The following DOCK1 variants were observed in gnomAD, a reference collection of about 807,000 sequenced individuals.
DOCK1 encodes dedicator of cytokinesis protein 1.
In DOCK1, 138 loss-of-function variants were observed where a neutral mutation model predicts 262.7. That is an observed-to-expected ratio of 0.53 (90% confidence interval 0.46 to 0.61). DOCK1 has a LOEUF of 0.61. Among genes scored for constraint, DOCK1 ranks in the 20% least tolerant of loss-of-function variants. DOCK1 has a pLI of 0.00. For missense variants in DOCK1, 1,908 were observed against 2,370.7 expected (o/e 0.80, Z 4.05); for synonymous variants, 866 against 867.4 (o/e 1.00, Z 0.03).
chr10:126,944,280 CAG>C (rs2134278657), intron 1 of DOCK1, among the ~76,000 whole-genome samples: 1 of 152,048 alleles, frequency 6.6e-6, no homozygotes, highest in East Asian at 1.9e-4. Flanking sequence ...AGGATGAACT[CAG>C]GGTACAGTTC....
At chr10:126,943,903 C>A (rs904961865) in intron 1 of DOCK1, among the ~76,000 whole-genome samples, 1 of 152,090 alleles carries the variant, frequency 6.6e-6, no homozygotes, top group Non-Finnish European at 1.5e-5. Context: ...CAAGCAGGGT[C>A]GTCCCAAGCT....
intron 19 of DOCK1, among the ~76,000 whole-genome samples, chr10:127,039,350 A>T (rs1193176047): frequency 6.6e-6 from 1 of 152,182 alleles, no homozygotes; most frequent in Non-Finnish European, 1.5e-5. Flanking sequence ...TTTCATTTTG[A>T]AGTCCCTGTA....
At chr10:127,386,808 A>G (rs1369268506) in intron 38 of DOCK1, among the ~76,000 whole-genome samples, 3 of 152,220 alleles carry the variant, frequency 2.0e-5, no homozygotes, top group Non-Finnish European at 4.4e-5. Flanking sequence ...CCCTGAAACC[A>G]GTCCCTGGTG....
At position 127,200,910 on chromosome 10, in the gene DOCK1, C is replaced by T. The variant is rs1338123219; in HGVS notation, c.2848-47098C>T. Among the ~76,000 whole-genome samples, 3 of 152,124 alleles carry T rather than the reference C, an allele frequency of 2.0e-5. No homozygotes were observed. In the East Asian group the frequency reaches 5.8e-4, roughly 29 times the overall value. On this transcript the variant is annotated intron_variant, in intron 27 of 51. Coordinates refer to ENST00000623213, the MANE Select transcript of DOCK1 (RefSeq NM_001290223.2). ...CTCTAGTCCTCACTCAAAATGGAGTCGCTGTGGTTCGGATGCCTCTGACAT... is the reference window on the plus strand; with the variant it reads ...CTCTAGTCCTCACTCAAAATGGAGTTGCTGTGGTTCGGATGCCTCTGACAT...
chr10:127,387,931 G>A (rs11017780), intron 38 of DOCK1, among the ~76,000 whole-genome samples: 44,471 of 151,424 alleles, frequency 0.29, 7,092 homozygotes, highest in Admixed American at 0.46. Context: ...AAATCATATG[G>A]AGGGGCAAAA....
At chr10:127,340,207 T>G (rs1393923925) in intron 30 of DOCK1, among the ~76,000 whole-genome samples, 1 of 152,222 alleles carries the variant, frequency 6.6e-6, no homozygotes, top group Non-Finnish European at 1.5e-5. Context: ...ATGCCTGTTT[T>G]CATATGTCAT....
chr10:127,123,601 A>G (rs547321416), intron 25 of DOCK1, among the ~76,000 whole-genome samples: 8 of 152,220 alleles, frequency 5.3e-5, no homozygotes, highest in Non-Finnish European at 1.2e-4. Flanking sequence ...TCGAGGTTCT[A>G]TAGGAAAGGC....
intron 23 of DOCK1, among the ~76,000 whole-genome samples, chr10:127,082,205 T>G (rs2046942891): frequency 6.6e-6 from 1 of 152,210 alleles, no homozygotes; most frequent in Admixed American, 6.5e-5. Flanking sequence ...CTTTCCTTTC[T>G]CACAGTCATC....
chr10:127,208,757 C>A lies in DOCK1; in HGVS notation c.2848-39251C>A, dbSNP rs554083927. ...ATTAGCACCCCACTTTCAAATTTGTCAACACGATATCATCTGTTAGATGAT... is the reference window on the plus strand; with the variant it reads ...ATTAGCACCCCACTTTCAAATTTGTAAACACGATATCATCTGTTAGATGAT... On this transcript the variant is annotated intron_variant, in intron 27 of 51. Transcript: ENST00000623213. Among the ~76,000 whole-genome samples, 24 of 152,236 alleles carry A rather than the reference C, an allele frequency of 1.6e-4. 1 individual carries two copies. The South Asian group carries it at 4.8e-3, about 30-fold the overall frequency.
Position 126,950,377 on chromosome 10 carries a change from C to T in DOCK1, c.47-20325C>T, listed in dbSNP as rs1305805861. Among the ~76,000 whole-genome samples, 17 of 152,140 alleles carry T rather than the reference C, an allele frequency of 1.1e-4. No individual in the cohort carries two copies. In the East Asian group the frequency reaches 2.3e-3, roughly 21 times the overall value. On this transcript the variant is annotated intron_variant, in intron 1 of 51. Transcript: ENST00000623213. ...TGATTGGAGGTCTGGTCTGTGCTTG[C>T]CTGCAGGGTCAGCTTAGCCTAGCTG...
At chr10:127,332,058 C>G (rs939737265) in intron 29 of DOCK1, among the ~76,000 whole-genome samples, 9 of 152,164 alleles carry the variant, frequency 5.9e-5, no homozygotes, top group Admixed American at 2.0e-4. Context: ...TTACCTTTGG[C>G]CCACGACAAT....
chr10:127,440,652 CAGAA>C (rs2070051704), intron 49 of DOCK1, among the ~76,000 whole-genome samples: 1 of 152,178 alleles, frequency 6.6e-6, no homozygotes, highest in African/African-American at 2.4e-5. Flanking sequence ...TCATGCCACT[CAGAA>C]AGCAGTCACA....
intron 23 of DOCK1, among the ~76,000 whole-genome samples, chr10:127,083,888 G>A (rs2047051554): frequency 6.6e-6 from 1 of 152,160 alleles, no homozygotes; most frequent in Admixed American, 6.5e-5. Flanking sequence ...AGGATTGCTT[G>A]ACATCTTCTG....
At chr10:127,252,772 C>G (rs1263160369) in intron 28 of DOCK1, among the ~76,000 whole-genome samples, 1 of 151,664 alleles carries the variant, frequency 6.6e-6, no homozygotes, top group African/African-American at 2.4e-5. Flanking sequence ...CAGTACCATG[C>G]TGTTTTGGTT....
chr10:126,990,010 C>A lies in DOCK1; in HGVS notation c.325-445C>A, dbSNP rs116665846. 9.4e-3 allele frequency among the ~76,000 whole-genome samples: 1,429 copies of A among 152,236 alleles called. 20 individuals are homozygous for A. The highest frequency in any genetic ancestry group is 0.031 in the African/African-American group (1,282 of 41,550). On this transcript the variant is annotated intron_variant, in intron 5 of 51. Coordinates refer to ENST00000623213, the MANE Select transcript of DOCK1 (RefSeq NM_001290223.2). ...CCGAGGAGTTCAGGTTCTCAGTGTG[C>A]TGAGAAGGGTCCAGGGTGCAGGGTG... is the stretch of plus-strand genomic sequence containing the variant.
At chr10:127,185,602 A>G (rs1384226259) in intron 27 of DOCK1, among the ~76,000 whole-genome samples, 1 of 152,202 alleles carries the variant, frequency 6.6e-6, no homozygotes, top group African/African-American at 2.4e-5. Context: ...ATGGCTTCCA[A>G]GGAGTCTTTT....
At chr10:127,154,303 C>T (rs954735531) in intron 27 of DOCK1, among the ~76,000 whole-genome samples, 1 of 152,244 alleles carries the variant, frequency 6.6e-6, no homozygotes, top group East Asian at 1.9e-4. Context: ...CTCTACCCCA[C>T]CTGTCCTGCT....
At chr10:127,212,129 C>T (rs1034592863) in intron 27 of DOCK1, among the ~76,000 whole-genome samples, 1 of 152,080 alleles carries the variant, frequency 6.6e-6, no homozygotes, top group African/African-American at 2.4e-5. Flanking sequence ...TCAATGACTC[C>T]GAGGATGATA....
At chr10:127,003,682 G>T (rs1230105018) in intron 10 of DOCK1, among the ~76,000 whole-genome samples, 4 of 152,172 alleles carry the variant, frequency 2.6e-5, no homozygotes, top group African/African-American at 9.7e-5. Flanking sequence ...TAAGAAACTG[G>T]CTGGGCGCTG....
Sources: gnomAD v4.1 joint callset for allele counts (sites outside exome capture counted in the v4.1 genomes callset) on GRCh38, gnomAD v4.1.1 for gene constraint, MANE v1.5 for transcripts, NCBI Gene and HGNC (gene_info 2026-07-23, HGNC 2026-07-21) for gene names.